Variants in SYS1 observed in about 807,000 individuals in gnomAD.
SYS1 encodes the protein SYS1 golgi trafficking protein, also known as protein SYS1 homolog.
In SYS1, 8 loss-of-function variants were observed where a neutral mutation model predicts 17.8. The ratio of observed to expected loss-of-function variants is 0.45; its 90% CI spans 0.26 to 0.81. SYS1 has a LOEUF of 0.81. Among genes scored for constraint, SYS1 ranks in the 40% least tolerant of loss-of-function variants. The pLI is 0.16. For missense variants in SYS1, 161 were observed against 203.9 expected (o/e 0.79, Z 1.28); for synonymous variants, 95 against 90.9 (o/e 1.05, Z -0.26).
chr20:45,371,305 A>T (rs1341478784), downstream of SYS1, among the ~76,000 whole-genome samples: 2 of 152,228 alleles, frequency 1.3e-5, no homozygotes, highest in African/African-American at 4.8e-5. Flanking sequence ...GTAGGAAGTG[A>T]TCCATAATTC....
At chr20:45,372,804 C>A (rs1327816352), downstream of SYS1, 1 of 152,186 alleles carries the variant, frequency 6.6e-6, no homozygotes, top group East Asian at 1.9e-4. Flanking sequence ...CTCGGGAGCA[C>A]GCAGCAGCCA....
At chr20:45,363,042 T>C (rs1369578002), upstream of SYS1, 4 of 923,740 alleles carry the variant, frequency 4.3e-6, no homozygotes, top group Non-Finnish European at 5.2e-6. Flanking sequence ...GCGCATGTGC[T>C]CAGTTCGCTA....
chr20:45,373,443 C>T (rs1260578184), downstream of SYS1: 1 of 194,108 alleles, frequency 5.2e-6, no homozygotes, highest in Non-Finnish European at 1.1e-5. Flanking sequence ...GCATGACCTA[C>T]AGGGTGCTGG....
downstream of SYS1, among the ~76,000 whole-genome samples, chr20:45,370,485 G>A (rs1988538345): frequency 6.6e-6 from 1 of 152,134 alleles, no homozygotes; most frequent in Non-Finnish European, 1.5e-5. Context: ...AGGAAAAAGG[G>A]ATGTCTGGCT....
downstream of SYS1, chr20:45,374,122 T>C: frequency 1.0e-6 from 1 of 986,136 alleles, no homozygotes; most frequent in Admixed American, 1.9e-5. Context: ...AGGTTGGAAA[T>C]GCCTTTGCTA....
At chr20:45,374,413 A>G (rs1988658535) in exon 4 of SYS1, 1 of 593,666 alleles carries the variant, frequency 1.7e-6, no homozygotes, top group Admixed American at 3.1e-5. Context: ...CTGATACTAC[A>G]AGCGCAAGGC....
Position 45,366,888 on chromosome 20 carries a change from C to T in SYS1, c.244C>T (p.Leu82=). 1 of 1,614,170 alleles carries T rather than the reference C, an allele frequency of 6.2e-7. No homozygotes were observed. Among genetic ancestry groups the T allele is most frequent in the Non-Finnish European group, 8.5e-7 (1 of 1,180,024 alleles). Residue 82 remains leucine, a synonymous_variant, in exon 4 of 4, where the codon CTG becomes TTG. Transcript: ENST00000243918. ...LNALTCALGL[L]YFIRRGKQCL... Reference sequence around the variant, plus strand: ...CTCTCCCCACAGTGCCCTGGGCTTGCTGTACTTCATCCGGCGAGGAAAGCA... The same window carrying T: ...CTCTCCCCACAGTGCCCTGGGCTTGTTGTACTTCATCCGGCGAGGAAAGCA...
Position 45,368,840 on chromosome 20 carries a change from G to C in SYS1, c.*1725G>C, listed in dbSNP as rs1988497208. 1.0e-6 allele frequency: 1 copy of C among 985,290 alleles called. No homozygotes were observed. The highest frequency in any genetic ancestry group is 6.1e-5 in the Admixed American group (1 of 16,262). 61.0% of individuals were successfully genotyped at this position (985,290 alleles called of 1,614,324 possible). On this transcript the variant is annotated 3_prime_UTR_variant, in exon 4 of 4. Transcript: ENST00000243918. ...ACTTTGAAAGAACACCCATCATGTGGCTGCTGTCACCCTTGACCAGCCGTG... is the reference window on the plus strand; with the variant it reads ...ACTTTGAAAGAACACCCATCATGTGCCTGCTGTCACCCTTGACCAGCCGTG...
chr20:45,365,105 T>G, intron 2 of SYS1: 1 of 238,944 alleles, frequency 4.2e-6, no homozygotes, highest in Non-Finnish European at 8.4e-6. Context: ...TGAAGAGCCA[T>G]ATGATGCACA....
chr20:45,375,255 G>A, exon 4 of SYS1: 1 of 1,614,188 alleles, frequency 6.2e-7, no homozygotes, highest in Non-Finnish European at 8.5e-7. Flanking sequence ...TAATGAAGAT[G>A]ACTCGGGGGC....
downstream of SYS1, chr20:45,374,025 C>G (rs2231626): frequency 0.77 from 1,244,024 of 1,613,046 alleles, 481,590 homozygotes; most frequent in African/African-American, 0.83. Context: ...CCAGCAGAAA[C>G]CTCGGTGTTA....
rs569244951 is a variant in SYS1 at position 45,367,144 on chromosome 20, A to C, written c.*29A>C. The C allele has an allele frequency of 6.2e-7, 1 of 1,612,358 alleles. No homozygotes were observed. The highest frequency in any genetic ancestry group is 2.2e-5 in the East Asian group (1 of 44,872). ...CAGGCCCTTTGGACATCCTGCTGAC[A>C]CTTGGGCCCCTTAACACCTTGGGCT... On this transcript the variant is annotated 3_prime_UTR_variant, in exon 4 of 4. Coordinates refer to ENST00000243918, the MANE Select transcript of SYS1 (RefSeq NM_033542.4).
At chr20:45,373,972 C>T (rs1988637262), downstream of SYS1, 4 of 1,614,030 alleles carry the variant, frequency 2.5e-6, no homozygotes, top group African/African-American at 1.3e-5. Flanking sequence ...GATCTCCACC[C>T]TCTGCTCGCA....
At position 45,367,011 on chromosome 20, in the gene SYS1, C is replaced by G. The variant is rs1568918047; in HGVS notation, c.367C>G (p.Gln123Glu). 1 of 1,614,214 alleles carries G rather than the reference C, an allele frequency of 6.2e-7. No individual in the cohort carries two copies. Among genetic ancestry groups the G allele is most frequent in the Non-Finnish European group, 8.5e-7 (1 of 1,180,048 alleles). Reference sequence around the variant, plus strand: ...CTCGGCGCTGACCTGGTGGCTGGTCCAAGCCGTGTGCATTGCACTCATGGC... The same window carrying G: ...CTCGGCGCTGACCTGGTGGCTGGTCGAAGCCGTGTGCATTGCACTCATGGC... ...FPSALTWWLV[Q>E]AVCIALMAVI... Residue 123 changes from glutamine to glutamate, a missense_variant, in exon 4 of 4, where the codon CAA (glutamine) becomes GAA (glutamate). By Grantham distance (29) the Gln-to-Glu change is conservative (BLOSUM62 2). Coordinates refer to ENST00000243918, the MANE Select transcript of SYS1 (RefSeq NM_033542.4).
At chr20:45,366,215 TCTA>T (rs1421591668) in intron 3 of SYS1, among the ~76,000 whole-genome samples, 13 of 152,214 alleles carry the variant, frequency 8.5e-5, no homozygotes, top group South Asian at 6.2e-4. Flanking sequence ...GACAAGTTAA[TCTA>T]CCACAGTTGC....
chr20:45,369,043 G>A lies in SYS1; in HGVS notation c.*1928G>A. On this transcript the variant is annotated 3_prime_UTR_variant, in exon 4 of 4. Coordinates refer to ENST00000243918, the MANE Select transcript of SYS1 (RefSeq NM_033542.4). Reference sequence around the variant, plus strand: ...ACTTTTTTTCAGTAATATGGAGACTGAGCTGCATGGTAGTTGGGGATCAAA... The same window carrying A: ...ACTTTTTTTCAGTAATATGGAGACTAAGCTGCATGGTAGTTGGGGATCAAA... 1 of 195,350 alleles carries A rather than the reference G, an allele frequency of 5.1e-6. No homozygotes were observed. The highest frequency in any genetic ancestry group is 9.3e-6 in the Non-Finnish European group (1 of 107,490). The allele number at this position is 195,350 out of a possible 1,614,324, so 12.1% of individuals were successfully genotyped here. A position where few individuals can be genotyped will look rare whatever the true frequency, so the allele number is the denominator to read the frequency against.
chr20:45,365,807 A>G (rs774780547), intron 3 of SYS1, 121 bp downstream of exon 3: 22 of 983,522 alleles, frequency 2.2e-5, no homozygotes, highest in Non-Finnish European at 3.4e-5. Context: ...AAAGTGGGTG[A>G]CAGAGGCCAG....
intron 2 of SYS1, among the ~76,000 whole-genome samples, chr20:45,364,252 C>T (rs1045150577): frequency 2.0e-5 from 3 of 152,176 alleles, no homozygotes; most frequent in African/African-American, 4.8e-5. Flanking sequence ...TAGGCCTAAA[C>T]ATATAAAACT....
At chr20:45,369,821 T>C (rs1203420072), downstream of SYS1, among the ~76,000 whole-genome samples, 1 of 151,994 alleles carries the variant, frequency 6.6e-6, no homozygotes, top group Non-Finnish European at 1.5e-5. Context: ...GCTTTGCCAC[T>C]TTGCCCAGGC....
Sources: allele counts gnomAD v4.1 joint callset (sites outside exome capture counted in the v4.1 genomes callset), GRCh38; gene constraint gnomAD v4.1.1; transcripts MANE v1.5; gene names NCBI Gene and HGNC (gene_info 2026-07-23, HGNC 2026-07-21).